The following RAC1 variants were observed in gnomAD, a reference collection of about 807,000 sequenced individuals.
The protein encoded by RAC1 is Rac family small GTPase 1.
In RAC1, 2 loss-of-function variants were observed where a neutral mutation model predicts 25.2. The observed-to-expected ratio is 0.08, with a 90% CI of 0.03 to 0.25. RAC1 has a LOEUF of 0.25. RAC1 is among the 10% of genes least tolerant of loss of function. RAC1 has a pLI of 1.00. For missense variants in RAC1, 50 were observed against 235.7 expected (o/e 0.21, Z 5.16); for synonymous variants, 88 against 94.0 (o/e 0.94, Z 0.37).
At chr7:6,391,017 C>T (rs557610686) in intron 2 of RAC1, among the ~76,000 whole-genome samples, 1 of 152,226 alleles carries the variant, frequency 6.6e-6, no homozygotes, top group African/African-American at 2.4e-5. Context: ...TTGCCTCAGC[C>T]TCCCAAGTAG....
chr7:6,391,318 C>G (rs1783086934), intron 2 of RAC1: 1 of 151,642 alleles, frequency 6.6e-6, no homozygotes, highest in Admixed American at 6.6e-5. Flanking sequence ...TAACATCAGT[C>G]TGATTTCCCT....
intron 3 of RAC1, 94 bp downstream of exon 3, chr7:6,392,135 G>C: frequency 6.3e-7 from 1 of 1,579,326 alleles, no homozygotes; most frequent in African/African-American, 1.3e-5. Flanking sequence ...TGCTTATATT[G>C]CCATCATTTG....
intron 3 of RAC1, among the ~76,000 whole-genome samples, chr7:6,397,748 G>A (rs942037550): frequency 6.6e-6 from 1 of 152,202 alleles, no homozygotes; most frequent in Non-Finnish European, 1.5e-5. Flanking sequence ...AGCACGTTGG[G>A]AAGCCAAGGT....
chr7:6,396,615 C>G lies in RAC1; in HGVS notation c.226-3511C>G, dbSNP rs1783242374. Reference sequence around the variant, plus strand: ...TTTTTGTAACTGGTTCTCGATGATCCTCTCCCATGGTAAAGATTTGGCACC... The same window carrying G: ...TTTTTGTAACTGGTTCTCGATGATCGTCTCCCATGGTAAAGATTTGGCACC... On this transcript the variant is annotated intron_variant, in intron 3 of 5. Coordinates refer to ENST00000348035, the MANE Select transcript of RAC1 (RefSeq NM_006908.5). 2.6e-5 allele frequency among the ~76,000 whole-genome samples: 4 copies of G among 152,210 alleles called. No homozygotes were observed. In the South Asian group the frequency reaches 8.3e-4, roughly 32 times the overall value.
chr7:6,379,709 C>A (rs1271331854), intron 1 of RAC1, among the ~76,000 whole-genome samples: 2 of 152,236 alleles, frequency 1.3e-5, no homozygotes, highest in African/African-American at 4.8e-5. Context: ...CGTCCCTGGC[C>A]TAAACAACAG....
chr7:6,391,132 A>T (rs1203971739), intron 2 of RAC1, among the ~76,000 whole-genome samples: 1 of 151,990 alleles, frequency 6.6e-6, no homozygotes, highest in Non-Finnish European at 1.5e-5. Flanking sequence ...TCTTGACCTC[A>T]GGTGATCCGC....
intron 1 of RAC1, 23 bp from the exon 2 acceptor site, chr7:6,387,189 A>G (rs201546202): frequency 1.0e-5 from 15 of 1,488,226 alleles, no homozygotes; most frequent in African/African-American, 2.9e-5. Context: ...TGACTAAGCA[A>G]CCTTTTTTCT....
At chr7:6,391,610 C>T (rs571281834) in intron 2 of RAC1, 18 of 335,064 alleles carry the variant, frequency 5.4e-5, no homozygotes, top group Non-Finnish European at 9.4e-5. Context: ...CTAATTGTAC[C>T]CTTATTTCTT....
chr7:6,382,699 C>T (rs1782804194), intron 1 of RAC1, among the ~76,000 whole-genome samples: 1 of 152,156 alleles, frequency 6.6e-6, no homozygotes, highest in African/African-American at 2.4e-5. Context: ...CCTGTCTCTA[C>T]TGAAAATACA....
chr7:6,392,105 G>A (rs1783107504), intron 3 of RAC1, 64 bp downstream of exon 3: 3 of 1,606,526 alleles, frequency 1.9e-6, no homozygotes, highest in Non-Finnish European at 2.6e-6. Flanking sequence ...CGCTTAATTA[G>A]TGCATGTTAC....
rs1237706163 is a variant in RAC1, at chr7:6,403,257, A to C, written c.*811A>C. 1 of 216,510 alleles carries C rather than the reference A, an allele frequency of 4.6e-6. No homozygotes were observed. Among genetic ancestry groups the C allele is most frequent in the Non-Finnish European group, 9.3e-6 (1 of 107,304 alleles). The allele number at this position is 216,510 out of a possible 1,614,324, so 13.4% of individuals were successfully genotyped here. ...AACTCTAAAAGGTTAATTTCTGTCA[A>C]ATGCAGTAGATGATGAAAGAAAGGT... On this transcript the variant is annotated 3_prime_UTR_variant, in exon 6 of 6. Coordinates refer to ENST00000348035, the MANE Select transcript of RAC1 (RefSeq NM_006908.5).
At position 6,403,595 on chromosome 7, in the gene RAC1, A is replaced by G. The variant is rs1783481740; in HGVS notation, c.*1149A>G. ...TAAAAATCATGTGTTGCAGCTTTAT[A>G]GTTTTTAAAATATTTTAGATAATTC... On this transcript the variant is annotated 3_prime_UTR_variant, in exon 6 of 6. Coordinates refer to ENST00000348035, the MANE Select transcript of RAC1 (RefSeq NM_006908.5). 1 of 215,984 alleles carries G rather than the reference A, an allele frequency of 4.6e-6. No individual in the cohort carries two copies. Among genetic ancestry groups the G allele is most frequent in the South Asian group, 1.9e-4 (1 of 5,400 alleles). The allele number at this position is 215,984 out of a possible 1,614,324, so 13.4% of individuals were successfully genotyped here.
rs1194993090 is a variant in RAC1 at position 6,398,647 on chromosome 7, C to A, written c.226-1479C>A. The A allele has an allele frequency of 1.9e-6, 3 of 1,612,124 alleles. No individual in the cohort carries two copies. In the South Asian group the frequency reaches 3.3e-5, roughly 18 times the overall value. On this transcript the variant is annotated intron_variant, in intron 3 of 5. Transcript: ENST00000348035. ...GTCTGTACTAAACTCAAACCAAGTT[C>A]TCATGCATTACTAGGTTGGAGAAAC...
Position 6,393,148 on chromosome 7 carries a change from T to C in RAC1, c.225+1107T>C, listed in dbSNP as rs35621463. Among the ~76,000 whole-genome samples, 343 of 152,268 alleles carry C rather than the reference T, an allele frequency of 2.3e-3. 2 individuals carry two copies. Among genetic ancestry groups the C allele is most frequent in the African/African-American group, 7.5e-3 (311 of 41,558 alleles). The stretch of plus-strand genomic sequence containing the variant: ...GAGAAAGGCTGGCTTTGAGCCCTGA[T>C]TGATGATGAGGCAGCCTGTGATTGA... On this transcript the variant is annotated intron_variant, in intron 3 of 5. Coordinates refer to ENST00000348035, the MANE Select transcript of RAC1 (RefSeq NM_006908.5).
intron 1 of RAC1, among the ~76,000 whole-genome samples, chr7:6,381,126 C>T (rs1040877314): frequency 8.5e-5 from 13 of 152,182 alleles, no homozygotes; most frequent in African/African-American, 2.9e-4. Context: ...CCTCGGCCTC[C>T]CAAAGTGATG....
intron 1 of RAC1, among the ~76,000 whole-genome samples, chr7:6,379,385 C>T (rs538639049): frequency 1.3e-5 from 2 of 151,502 alleles, no homozygotes; most frequent in South Asian, 4.2e-4. Flanking sequence ...AGCGATTCTC[C>T]TGCCTCAGCT....
At chr7:6,399,273 G>A (rs1430748115) in intron 3 of RAC1, among the ~76,000 whole-genome samples, 1 of 152,234 alleles carries the variant, frequency 6.6e-6, no homozygotes, top group Non-Finnish European at 1.5e-5. Context: ...CAGGTACAAG[G>A]TATCAGCTGG....
intron 1 of RAC1, among the ~76,000 whole-genome samples, chr7:6,381,871 C>A (rs980818583): frequency 6.6e-6 from 1 of 152,140 alleles, no homozygotes; most frequent in Non-Finnish European, 1.5e-5. Flanking sequence ...TTACAGAATC[C>A]CCATACCTTG....
chr7:6,390,057 T>G (rs1168342158), intron 2 of RAC1, among the ~76,000 whole-genome samples: 1 of 135,086 alleles, frequency 7.4e-6, no homozygotes, highest in Non-Finnish European at 1.6e-5. Flanking sequence ...TTCCTTCTCC[T>G]TTCTTTTCCC....
Sources: allele counts gnomAD v4.1 joint callset (sites outside exome capture counted in the v4.1 genomes callset), GRCh38; gene constraint gnomAD v4.1.1; transcripts MANE v1.5; gene names NCBI Gene and HGNC (gene_info 2026-07-23, HGNC 2026-07-21).